The following B3GAT1 variants were observed in gnomAD, a reference collection of about 807,000 sequenced individuals.
The protein encoded by B3GAT1 is galactosylgalactosylxylosylprotein 3-beta-glucuronosyltransferase 1.
In B3GAT1, 11 loss-of-function variants were observed where a neutral mutation model predicts 28.4. That is an observed-to-expected ratio of 0.39 (90% CI 0.24 to 0.64). The LOEUF (loss-of-function observed/expected upper bound fraction) is 0.64, where lower values mean the gene tolerates loss of function less well. Among genes scored for constraint, B3GAT1 ranks in the 30% least tolerant of loss-of-function variants. The pLI is 0.50. For synonymous variants in B3GAT1, 255 were observed against 223.1 expected (o/e 1.14, Z -1.27); for missense variants, 375 against 491.0 (o/e 0.76, Z 2.23).
chr11:134,402,089 G>A (rs537144971), intron 1 of B3GAT1, among the ~76,000 whole-genome samples: 5 of 152,182 alleles, frequency 3.3e-5, no homozygotes, highest in African/African-American at 4.8e-5. Flanking sequence ...TGGACCAGGC[G>A]ACAAGGCACT....
At chr11:134,382,244 G>A (rs73589636) in intron 4 of B3GAT1, among the ~76,000 whole-genome samples, 2,893 of 152,238 alleles carry the variant, frequency 0.019, 87 homozygotes, top group African/African-American at 0.064. Flanking sequence ...TGATGCCTTC[G>A]GAATACCTGC....
chr11:134,394,265 A>G (rs1166044720), intron 1 of B3GAT1, among the ~76,000 whole-genome samples: 1 of 152,210 alleles, frequency 6.6e-6, no homozygotes, highest in Non-Finnish European at 1.5e-5. Flanking sequence ...CAGTCCCTCG[A>G]TGTTCAGAGC....
chr11:134,409,338 T>C (rs535405204), intron 1 of B3GAT1, among the ~76,000 whole-genome samples: 1 of 152,262 alleles, frequency 6.6e-6, no homozygotes, highest in Non-Finnish European at 1.5e-5. Flanking sequence ...GGTGCATGAC[T>C]TCTCTTCTTC....
rs575393311 is a variant in B3GAT1, at chr11:134,393,777, G to A, written c.-281-5837C>T. On this transcript the variant is annotated intron_variant, in intron 1 of 5. Coordinates refer to ENST00000312527, the MANE Select transcript of B3GAT1 (RefSeq NM_054025.3). This position sits in a 1 kb window ranked among gnomAD's most constrained non-coding sequence, Gnocchi z 4.0. ...GGAGCCCCAGGCATCACACGGCGCC[G>A]GTCAGTGTGCTGTGCGGACCGGGTG... 3.3e-5 allele frequency among the ~76,000 whole-genome samples: 5 copies of A among 152,210 alleles called. No individual in the cohort carries two copies. Among genetic ancestry groups the A allele is most frequent in the African/African-American group, 7.2e-5 (3 of 41,532 alleles).
At chr11:134,384,341 A>C in intron 2 of B3GAT1, 153 bp from the exon 3 acceptor site, 1 of 1,041,558 alleles carries the variant, frequency 9.6e-7, no homozygotes, top group South Asian at 1.7e-5. Context: ...GTTAGCTCTA[A>C]GGTTGAAATC....
At chr11:134,383,559 T>A in intron 3 of B3GAT1, 121 bp downstream of exon 3, 1 of 1,329,250 alleles carries the variant, frequency 7.5e-7, no homozygotes, top group Non-Finnish European at 1.0e-6. Flanking sequence ...CCTGCCCCGC[T>A]CCCAGCCCGG....
At chr11:134,396,721 C>G (rs551331808) in intron 1 of B3GAT1, among the ~76,000 whole-genome samples, 1 of 152,172 alleles carries the variant, frequency 6.6e-6, no homozygotes, top group Non-Finnish European at 1.5e-5. Context: ...GGCCAGGAAA[C>G]GGGTCTGCTC....
chr11:134,404,789 T>G, intron 1 of B3GAT1, among the ~76,000 whole-genome samples: 1 of 152,206 alleles, frequency 6.6e-6, no homozygotes, highest in East Asian at 1.9e-4. Context: ...GAGAGATTTA[T>G]GTGTGGGAGA....
chr11:134,382,963 A>G lies in B3GAT1; in HGVS notation c.665T>C (p.Val222Ala). The G allele has an allele frequency of 6.3e-7, 1 of 1,597,578 alleles. No homozygotes were observed. Among genetic ancestry groups the G allele is most frequent in the Non-Finnish European group, 8.5e-7 (1 of 1,171,712 alleles). ...RRVSVWPVAF[V>A]GGLRYEAPRV... ...TGGGGCCTCGTACCGCAGGCCACCC[A>G]CGAAGGCGACGGGCCACACGGACAC... Residue 222 changes from valine to alanine, a missense_variant, in exon 4 of 6, where the codon GTG becomes GCG. Physicochemically the swap from Val to Ala is moderately conservative, Grantham distance 64 (BLOSUM62 0). Transcript: ENST00000312527.
chr11:134,384,457 A>G (rs1275481974), intron 2 of B3GAT1: 1 of 473,904 alleles, frequency 2.1e-6, no homozygotes, highest in East Asian at 3.2e-5. Context: ...GCAGTTGCCC[A>G]TATTCCAAGA....
chr11:134,391,601 G>A (rs953668237), intron 1 of B3GAT1: 4 of 152,540 alleles, frequency 2.6e-5, no homozygotes, highest in African/African-American at 9.6e-5. Context: ...CCACACCCAG[G>A]AGAGCCCAGG....
At chr11:134,407,518 C>G (rs1210384795) in intron 1 of B3GAT1, among the ~76,000 whole-genome samples, 1 of 152,236 alleles carries the variant, frequency 6.6e-6, no homozygotes, top group Non-Finnish European at 1.5e-5. Context: ...CCACAGCCCC[C>G]TGGGCAAGGT....
chr11:134,397,783 T>C (rs1375017807), intron 1 of B3GAT1, among the ~76,000 whole-genome samples: 1 of 152,254 alleles, frequency 6.6e-6, no homozygotes. Flanking sequence ...TGCCTGGGCC[T>C]CCATGCCCTG....
intron 2 of B3GAT1, chr11:134,387,296 G>A (rs1160718242): frequency 1.2e-5 from 6 of 504,540 alleles, no homozygotes; most frequent in African/African-American, 1.9e-5. Context: ...GGTGCTGAGA[G>A]TAACAAGCTC....
rs1371461385 is a variant in B3GAT1 at position 134,393,069 on chromosome 11, G to T, written c.-281-5129C>A. Reference sequence around the variant, plus strand: ...TGCAGGTGACGTGTGAACGCAAAATGTTCCCAAAGGCCTGCATGCGTGTGC... The same window carrying T: ...TGCAGGTGACGTGTGAACGCAAAATTTTCCCAAAGGCCTGCATGCGTGTGC... On this transcript the variant is annotated intron_variant, in intron 1 of 5. Coordinates refer to ENST00000312527, the MANE Select transcript of B3GAT1 (RefSeq NM_054025.3). This position sits in a 1 kb window ranked among gnomAD's most constrained non-coding sequence, Gnocchi z 4.0. 2.6e-5 allele frequency among the ~76,000 whole-genome samples: 4 copies of T among 152,146 alleles called. No homozygotes were observed. The East Asian group carries it at 7.7e-4, about 29-fold the overall frequency.
intron 1 of B3GAT1, among the ~76,000 whole-genome samples, chr11:134,392,743 T>C (rs1944437245): frequency 1.3e-5 from 2 of 151,948 alleles, no homozygotes; most frequent in Non-Finnish European, 2.9e-5. Flanking sequence ...GGGACTCAGA[T>C]GGGAAGGCTC....
chr11:134,382,333 G>A (rs1591631945), intron 4 of B3GAT1, among the ~76,000 whole-genome samples: 1 of 152,264 alleles, frequency 6.6e-6, no homozygotes, highest in African/African-American at 2.4e-5. Flanking sequence ...ACGTATGCAT[G>A]TTCATGTGCA....
At chr11:134,384,292 C>A (rs983772762) in intron 2 of B3GAT1, 104 bp from the exon 3 acceptor site, 2 of 1,392,368 alleles carry the variant, frequency 1.4e-6, no homozygotes, top group Non-Finnish European at 1.9e-6. Context: ...CCTCCTCCCC[C>A]GCTGCAGGGG....
chr11:134,408,793 C>T (rs1440184353), intron 1 of B3GAT1, among the ~76,000 whole-genome samples: 6 of 115,596 alleles, frequency 5.2e-5, no homozygotes, highest in African/African-American at 1.8e-4. Flanking sequence ...GGAGGTGGGA[C>T]AGCCTGCACC....
Sources: allele counts gnomAD v4.1 joint callset (sites outside exome capture counted in the v4.1 genomes callset), GRCh38; gene constraint gnomAD v4.1.1; non-coding constraint Gnocchi (gnomAD v3.1); transcripts MANE v1.5; gene names NCBI Gene and HGNC (gene_info 2026-07-23, HGNC 2026-07-21).